The following MACROD2 variants were observed in gnomAD, a reference collection of about 807,000 sequenced individuals.
MACROD2 encodes ADP-ribose glycohydrolase MACROD2.
In MACROD2, 36 loss-of-function variants were observed where a neutral mutation model predicts 70.4. That is an observed-to-expected ratio of 0.51 (90% CI 0.39 to 0.68). The LOEUF is 0.68. Among genes scored for constraint, MACROD2 ranks in the 30% least tolerant of loss-of-function variants. The probability of loss-of-function intolerance (pLI) is 0.00; values close to 1 mark genes in which losing one functional copy is unlikely to be tolerated. For synonymous variants in MACROD2, 172 were observed against 178.8 expected, an observed-to-expected ratio of 0.96 and a Z score of 0.30; for missense variants, 496 against 538.4, an observed-to-expected ratio of 0.92 and a Z score of 0.78.
chr20:15,044,329 A>G (rs1056614636), intron 5 of MACROD2, among the ~76,000 whole-genome samples: 1 of 152,250 alleles, frequency 6.6e-6, no homozygotes, highest in African/African-American at 2.4e-5. Context: ...GCTCTGTGCC[A>G]GGAACTGGGG....
At chr20:14,569,216 G>C (rs1333460800) in intron 4 of MACROD2, among the ~76,000 whole-genome samples, 1 of 151,880 alleles carries the variant, frequency 6.6e-6, no homozygotes, top group Non-Finnish European at 1.5e-5. Flanking sequence ...CTAAATCTAT[G>C]CTGCATTTTT....
intron 8 of MACROD2, among the ~76,000 whole-genome samples, chr20:15,770,957 A>G (rs1035689247): frequency 1.3e-5 from 2 of 152,184 alleles, no homozygotes; most frequent in African/African-American, 4.8e-5. Flanking sequence ...CTCCAAATCA[A>G]TGAGGAATGA....
At chr20:14,798,738 A>G (rs766674453) in intron 5 of MACROD2, among the ~76,000 whole-genome samples, 1 of 152,074 alleles carries the variant, frequency 6.6e-6, no homozygotes, top group African/African-American at 2.4e-5. Context: ...TGATGTATAA[A>G]TACAGCCACA....
At chr20:15,985,218 T>A (rs950559536) in intron 13 of MACROD2, among the ~76,000 whole-genome samples, 2 of 152,038 alleles carry the variant, frequency 1.3e-5, no homozygotes, top group East Asian at 3.9e-4. Context: ...TTTTGTTTTT[T>A]CTCCTGAGAC....
intron 8 of MACROD2, among the ~76,000 whole-genome samples, chr20:15,854,486 T>TAA (rs2064335844): frequency 1.3e-5 from 2 of 152,166 alleles, no homozygotes; most frequent in Non-Finnish European, 2.9e-5. Flanking sequence ...GTGAGGACTC[T>TAA]AGTGCAACTA....
intron 6 of MACROD2, among the ~76,000 whole-genome samples, chr20:15,359,644 T>C (rs1346144956): frequency 6.6e-6 from 1 of 152,022 alleles, no homozygotes; most frequent in Non-Finnish European, 1.5e-5. Flanking sequence ...ATATATGCTT[T>C]GGTATATATC....
intron 5 of MACROD2, among the ~76,000 whole-genome samples, chr20:14,911,741 T>C (rs2074030517): frequency 6.6e-6 from 1 of 152,054 alleles, no homozygotes. Context: ...ACTGGAAACC[T>C]TGAACATCTA....
At chr20:15,531,112 A>G (rs1367506713) in intron 8 of MACROD2, among the ~76,000 whole-genome samples, 2 of 151,810 alleles carry the variant, frequency 1.3e-5, no homozygotes, top group Non-Finnish European at 2.9e-5. Context: ...TTATTCAAAA[A>G]GAGGCAAGAG....
rs894344281 is a variant in MACROD2, at chr20:15,125,554, A to G, written c.419-104386A>G. On this transcript the variant is annotated intron_variant, in intron 5 of 17. Coordinates refer to ENST00000684519, the MANE Select transcript of MACROD2 (RefSeq NM_001351661.2). ...GTTTGGGAACGTTTCTGCTGAGGAA[A>G]GTAGGGGTTATATTAGCAATGTTTT... Among the ~76,000 whole-genome samples the G allele has an allele frequency of 2.0e-5, 3 of 152,092 alleles. No individual in the cohort carries two copies. In the South Asian group the frequency reaches 6.2e-4, roughly 32 times the overall value.
intron 8 of MACROD2, among the ~76,000 whole-genome samples, chr20:15,607,442 C>A (rs1481720564): frequency 3.3e-5 from 5 of 152,204 alleles, no homozygotes; most frequent in African/African-American, 1.2e-4. Flanking sequence ...GCCATTTCAT[C>A]CTGCATCTAT....
At chr20:14,531,722 A>G (rs1348190336) in intron 4 of MACROD2, among the ~76,000 whole-genome samples, 1 of 152,206 alleles carries the variant, frequency 6.6e-6, no homozygotes, top group Non-Finnish European at 1.5e-5. Context: ...GTCAAATGGT[A>G]AGCTGAATGA....
chr20:14,936,603 C>T (rs1185676832), intron 5 of MACROD2, among the ~76,000 whole-genome samples: 1 of 151,624 alleles, frequency 6.6e-6, no homozygotes, highest in Non-Finnish European at 1.5e-5. Context: ...TATATGGGAT[C>T]TGAAGCTTTT....
At chr20:15,861,830 C>T (rs772793708) in intron 8 of MACROD2, among the ~76,000 whole-genome samples, 15 of 152,148 alleles carry the variant, frequency 9.9e-5, no homozygotes, top group Non-Finnish European at 1.9e-4. Context: ...GCCATGTGTA[C>T]ACCCACTTCC....
intron 13 of MACROD2, among the ~76,000 whole-genome samples, chr20:15,979,586 T>A (rs56275196): frequency 0.23 from 34,837 of 151,844 alleles, 4,236 homozygotes; most frequent in South Asian, 0.34. Context: ...GCTTTGCACC[T>A]ATAACCAACC....
chr20:15,420,436 A>G (rs915467948), intron 6 of MACROD2, among the ~76,000 whole-genome samples: 1 of 152,186 alleles, frequency 6.6e-6, no homozygotes, highest in Non-Finnish European at 1.5e-5. Flanking sequence ...CAAACACTTC[A>G]CTGGCCGTTT....
At chr20:15,518,077 A>T (rs1600523664) in intron 8 of MACROD2, among the ~76,000 whole-genome samples, 1 of 152,264 alleles carries the variant, frequency 6.6e-6, no homozygotes, top group African/African-American at 2.4e-5. Flanking sequence ...AACTTGCAGC[A>T]TACAATTTTG....
chr20:15,789,780 A>G (rs937445335), intron 8 of MACROD2, among the ~76,000 whole-genome samples: 6 of 152,080 alleles, frequency 3.9e-5, no homozygotes, highest in African/African-American at 1.4e-4. Flanking sequence ...AAAGGAAATG[A>G]GAGTTATATT....
chr20:14,267,444 G>A (rs1401318491), intron 3 of MACROD2, among the ~76,000 whole-genome samples: 1 of 152,026 alleles, frequency 6.6e-6, no homozygotes, highest in Admixed American at 6.5e-5. Flanking sequence ...TTATTAGAGA[G>A]TTACTTTGGT....
intron 8 of MACROD2, among the ~76,000 whole-genome samples, chr20:15,754,510 T>G (rs1450380911): frequency 6.6e-6 from 1 of 151,858 alleles, no homozygotes; most frequent in East Asian, 1.9e-4. Context: ...CTCGGGAGGC[T>G]GAGGTAGGAG....
Sources: allele counts gnomAD v4.1 joint callset (sites outside exome capture counted in the v4.1 genomes callset), GRCh38; gene constraint gnomAD v4.1.1; transcripts MANE v1.5; gene names NCBI Gene and HGNC (gene_info 2026-07-23, HGNC 2026-07-21).